The following RBFOX1 variants were observed in gnomAD, a reference collection of about 807,000 sequenced individuals.
RBFOX1 encodes RNA binding protein fox-1 homolog 1.
RBFOX1 carries 8 observed loss-of-function variants against 57.7 expected under a neutral mutation model. That is an observed-to-expected ratio of 0.14 (90% CI 0.08 to 0.25). The LOEUF is 0.25. Among genes scored for constraint, RBFOX1 ranks in the 10% least tolerant of loss-of-function variants. The probability of loss-of-function intolerance (pLI) is 1.00; values close to 1 mark genes in which losing one functional copy is unlikely to be tolerated. For missense variants in RBFOX1, 611 were observed against 548.5 expected, an observed-to-expected ratio of 1.11 and a Z score of -1.14; for synonymous variants, 326 against 222.4, an observed-to-expected ratio of 1.47 and a Z score of -4.15.
intron 3 of RBFOX1, among the ~76,000 whole-genome samples, chr16:6,656,317 T>C (rs1037932372): frequency 1.3e-5 from 2 of 152,174 alleles, no homozygotes; most frequent in Non-Finnish European, 2.9e-5. Context: ...TTTTAAAAAT[T>C]TAATTGCCAA....
At chr16:6,962,759 G>A (rs1049339761) in intron 3 of RBFOX1, among the ~76,000 whole-genome samples, 1 of 152,152 alleles carries the variant, frequency 6.6e-6, no homozygotes, top group Non-Finnish European at 1.5e-5. Flanking sequence ...AGCTACCTTA[G>A]AAGGCTGAGG....
chr16:6,183,467 A>G (rs2097081479), intron 1 of RBFOX1, among the ~76,000 whole-genome samples: 2 of 148,630 alleles, frequency 1.3e-5, no homozygotes, highest in South Asian at 4.3e-4. Flanking sequence ...GTGACAGAGC[A>G]AGGCTCCATC....
At chr16:7,137,278 C>A (rs972343062) in intron 4 of RBFOX1, among the ~76,000 whole-genome samples, 1 of 152,112 alleles carries the variant, frequency 6.6e-6, no homozygotes, top group East Asian at 1.9e-4. Flanking sequence ...ACAGGTGATA[C>A]GGTTTGGCTG....
chr16:7,304,130 G>T (rs1742750355), intron 4 of RBFOX1: 2 of 846,022 alleles, frequency 2.4e-6, no homozygotes, highest in African/African-American at 3.7e-5. Flanking sequence ...ACATCCCCAG[G>T]CGGGGAGAGC....
chr16:7,556,463 T>C (rs2088518858), intron 5 of RBFOX1, among the ~76,000 whole-genome samples: 1 of 152,220 alleles, frequency 6.6e-6, no homozygotes, highest in Non-Finnish European at 1.5e-5. Flanking sequence ...TTTCCCATGA[T>C]GGCCACAGGT....
chr16:6,856,450 C>A (rs1028721951), intron 3 of RBFOX1, among the ~76,000 whole-genome samples: 3 of 152,102 alleles, frequency 2.0e-5, no homozygotes, highest in African/African-American at 7.2e-5. Flanking sequence ...AGCAGGACCA[C>A]CTGAGCCACT....
At chr16:5,530,160 G>T (rs140412634) in intron 2 of RBFOX1, among the ~76,000 whole-genome samples, 8 of 152,248 alleles carry the variant, frequency 5.3e-5, no homozygotes, top group Admixed American at 2.6e-4. Context: ...GAGCCTGAGA[G>T]CTCTGATTCT....
chr16:5,988,404 T>G (rs975269968), intron 4 of RBFOX1, among the ~76,000 whole-genome samples: 2 of 152,194 alleles, frequency 1.3e-5, no homozygotes, highest in Non-Finnish European at 2.9e-5. Context: ...GCCTCTAATA[T>G]TTCTGTCTTT....
At position 6,415,503 on chromosome 16, in the gene RBFOX1, C is replaced by G. The variant is rs2093600048; in HGVS notation, c.-64+98446C>G. 2.0e-5 allele frequency among the ~76,000 whole-genome samples: 3 copies of G among 151,794 alleles called. 1 individual carries two copies. Among genetic ancestry groups the G allele is most frequent in the South Asian group, 4.2e-4 (2 of 4,804 alleles). ...GGATCACGAGGTTAGGAGTATGAGA[C>G]CAGCCTGGCCAATATGATGAAATGC... On this transcript the variant is annotated intron_variant, in intron 2 of 15. Coordinates refer to ENST00000550418, the MANE Select transcript of RBFOX1 (RefSeq NM_018723.4).
intron 4 of RBFOX1, among the ~76,000 whole-genome samples, chr16:7,055,735 A>G (rs2051965715): frequency 6.6e-6 from 1 of 152,206 alleles, no homozygotes; most frequent in Admixed American, 6.5e-5. Flanking sequence ...TTACCTGCAC[A>G]AAAGTAGGAT....
At chr16:5,857,970 TA>T (rs1278905182) in intron 3 of RBFOX1, among the ~76,000 whole-genome samples, 2 of 151,870 alleles carry the variant, frequency 1.3e-5, no homozygotes, top group African/African-American at 4.9e-5. Flanking sequence ...AGAAATGTTA[TA>T]AAATATCATT....
chr16:5,487,114 G>A (rs916181246), intron 2 of RBFOX1, among the ~76,000 whole-genome samples: 6 of 152,084 alleles, frequency 3.9e-5, no homozygotes, highest in Non-Finnish European at 7.3e-5. Flanking sequence ...CAAGCCCTCC[G>A]GGAGTTCTCC....
intron 4 of RBFOX1, among the ~76,000 whole-genome samples, chr16:7,272,832 C>T (rs896249983): frequency 1.3e-5 from 2 of 149,950 alleles, no homozygotes; most frequent in Non-Finnish European, 3.0e-5. Flanking sequence ...TCCTCTCCTC[C>T]CTCCCCTCCC....
At chr16:6,002,712 A>G (rs1418364240) in intron 4 of RBFOX1, among the ~76,000 whole-genome samples, 2 of 152,238 alleles carry the variant, frequency 1.3e-5, no homozygotes, top group Non-Finnish European at 2.9e-5. Flanking sequence ...AAAGCAATAT[A>G]AAGTTCTTAA....
intron 4 of RBFOX1, among the ~76,000 whole-genome samples, chr16:7,274,119 A>G (rs1394493513): frequency 2.6e-5 from 4 of 152,196 alleles, no homozygotes; most frequent in African/African-American, 7.2e-5. Flanking sequence ...ACCAATTGAG[A>G]TATTTGTTTA....
chr16:7,336,493 C>T (rs1039713304), intron 4 of RBFOX1, among the ~76,000 whole-genome samples: 2 of 152,242 alleles, frequency 1.3e-5, no homozygotes, highest in Admixed American at 6.5e-5. Flanking sequence ...CCTCATCATG[C>T]ATTTGTTCCT....
chr16:7,545,525 A>G (rs769219329), intron 5 of RBFOX1, among the ~76,000 whole-genome samples: 4 of 152,110 alleles, frequency 2.6e-5, no homozygotes, highest in Non-Finnish European at 4.4e-5. Context: ...CTGTGTTAAT[A>G]GGCGCCAGAC....
intron 2 of RBFOX1, among the ~76,000 whole-genome samples, chr16:6,415,715 A>G (rs191251532): frequency 1.5e-4 from 23 of 152,222 alleles, no homozygotes; most frequent in African/African-American, 5.5e-4. Context: ...AAAAAACAAA[A>G]CAAACAGAAC....
At chr16:6,535,075 G>T (rs1003210113) in intron 2 of RBFOX1, among the ~76,000 whole-genome samples, 1 of 152,158 alleles carries the variant, frequency 6.6e-6, no homozygotes, top group African/African-American at 2.4e-5. Context: ...AGCCAGGTTG[G>T]GACCATGGTT....
Sources: allele counts gnomAD v4.1 joint callset (sites outside exome capture counted in the v4.1 genomes callset), GRCh38; gene constraint gnomAD v4.1.1; transcripts MANE v1.5; gene names NCBI Gene and HGNC (gene_info 2026-07-23, HGNC 2026-07-21).